The following CD226 variants were observed in gnomAD, a reference collection of about 807,000 sequenced individuals.
CD226 encodes CD226 molecule.
CD226 carries 24 observed loss-of-function variants against 34.9 expected under a neutral mutation model. That is an observed-to-expected ratio of 0.69 (90% CI 0.50 to 0.97). The LOEUF (loss-of-function observed/expected upper bound fraction) is 0.97. Ranked by LOEUF, CD226 falls within the 50% of genes least tolerant of loss-of-function variation. The pLI, the probability that CD226 is intolerant of heterozygous loss-of-function variation, is 0.00. For missense variants in CD226, 397 were observed against 412.7 expected, an observed-to-expected ratio of 0.96 and a Z score of 0.33; for synonymous variants, 148 against 147.4, an observed-to-expected ratio of 1.00 and a Z score of -0.03.
intron 1 of CD226, among the ~76,000 whole-genome samples, chr18:69,954,059 G>A (rs2055876660): frequency 6.6e-6 from 1 of 151,550 alleles, no homozygotes; most frequent in Non-Finnish European, 1.5e-5. Context: ...ACAATGTTAT[G>A]TGAATTTCAC....
At chr18:69,913,604 C>G (rs1387525013) in intron 2 of CD226, among the ~76,000 whole-genome samples, 1 of 152,156 alleles carries the variant, frequency 6.6e-6, no homozygotes, top group Non-Finnish European at 1.5e-5. Flanking sequence ...GTATGCCATA[C>G]TCTTAGAGTA....
chr18:69,876,814 C>T (rs768672165), intron 3 of CD226, among the ~76,000 whole-genome samples: 11 of 151,022 alleles, frequency 7.3e-5, no homozygotes, highest in Non-Finnish European at 1.5e-4. Context: ...CATTGCTAAC[C>T]CTGCCCTTCA....
upstream of CD226, among the ~76,000 whole-genome samples, chr18:69,951,597 T>C (rs1348151413): frequency 6.6e-6 from 1 of 152,088 alleles, no homozygotes; most frequent in East Asian, 1.9e-4. Context: ...TCTGAACATA[T>C]TACATAGAAT....
intron 2 of CD226, among the ~76,000 whole-genome samples, chr18:69,912,083 A>G (rs1024055953): frequency 6.6e-6 from 1 of 152,176 alleles, no homozygotes; most frequent in African/African-American, 2.4e-5. Flanking sequence ...GTGCTGGGAA[A>G]ACTGGCTAGC....
chr18:69,893,289 T>C (rs908882911), intron 3 of CD226, among the ~76,000 whole-genome samples: 2 of 152,246 alleles, frequency 1.3e-5, no homozygotes, highest in Non-Finnish European at 2.9e-5. Flanking sequence ...TTAGTCATCT[T>C]CATTTCATTG....
At chr18:69,942,060 G>T (rs927369628) in intron 2 of CD226, among the ~76,000 whole-genome samples, 1 of 152,190 alleles carries the variant, frequency 6.6e-6, no homozygotes, top group African/African-American at 2.4e-5. Context: ...GCCATGTGAA[G>T]AAGGACATGT....
chr18:69,890,359 G>A (rs1984819445), intron 3 of CD226, among the ~76,000 whole-genome samples: 1 of 152,098 alleles, frequency 6.6e-6, no homozygotes, highest in Non-Finnish European at 1.5e-5. Flanking sequence ...CACTTTAGGA[G>A]GCTGAGGCAG....
At position 69,864,248 on chromosome 18, in the gene CD226, A is replaced by T. The variant is rs1165602878; in HGVS notation, c.*66T>A. On this transcript the variant is annotated 3_prime_UTR_variant, in exon 6 of 6. Transcript: ENST00000582621. ...GGTAGACCTTGGGTAGTGGAAAAAAATTGCATAAAGATCCATGCATGAGTA... is the reference window on the plus strand; with the variant it reads ...GGTAGACCTTGGGTAGTGGAAAAAATTTGCATAAAGATCCATGCATGAGTA... 5 of 1,534,812 alleles carry T rather than the reference A, an allele frequency of 3.3e-6. No homozygotes were observed. The East Asian group carries it at 6.8e-5, about 21-fold the overall frequency.
Position 69,869,965 on chromosome 18 carries a change from T to TA in CD226, c.831-2555dup, listed in dbSNP as rs1467559086. ...ACAGGCGCCCGCCACCATGCCTGGC[T>TA]AATTTTTTTTTTATTTTTAGTAGAG... On this transcript the variant is annotated intron_variant, in intron 4 of 5. Transcript: ENST00000582621. Among the ~76,000 whole-genome samples, 5 of 149,756 alleles carry TA rather than the reference T, an allele frequency of 3.3e-5. No individual in the cohort carries two copies. The East Asian group carries it at 1.0e-3, about 30-fold the overall frequency.
At chr18:69,905,369 A>G (rs531711167) in intron 2 of CD226, among the ~76,000 whole-genome samples, 1 of 152,344 alleles carries the variant, frequency 6.6e-6, no homozygotes, top group African/African-American at 2.4e-5. Context: ...CCAACACATT[A>G]GTGTGAAATT....
At chr18:69,892,584 G>T (rs1329939186) in intron 3 of CD226, among the ~76,000 whole-genome samples, 1 of 152,224 alleles carries the variant, frequency 6.6e-6, no homozygotes, top group African/African-American at 2.4e-5. Context: ...AAGAAAGTCA[G>T]TGGTAAATGT....
chr18:69,919,916 T>C (rs1446968477), intron 2 of CD226, among the ~76,000 whole-genome samples: 1 of 151,956 alleles, frequency 6.6e-6, no homozygotes, highest in African/African-American at 2.4e-5. Flanking sequence ...CTCGCTCTAT[T>C]GCCCATGAGC....
upstream of CD226, chr18:69,947,928 G>C (rs964985291): frequency 6.6e-6 from 1 of 152,154 alleles, no homozygotes; most frequent in Non-Finnish European, 1.5e-5. Flanking sequence ...TACGCCCAGC[G>C]CTGACAGCCC....
rs1242497820 is a variant in CD226 at position 69,858,834 on chromosome 18, A to T, written c.*5480T>A. ...AACCTCTGCCTCCCGGGTTCAAGCG[A>T]TTCTTCTGCCTCAGCCTCCCAAGTA... On this transcript the variant is annotated 3_prime_UTR_variant, in exon 6 of 6. Coordinates refer to ENST00000582621, the MANE Select transcript of CD226 (RefSeq NM_001303618.2). The T allele has an allele frequency of 1.4e-5, 2 of 138,210 alleles. No homozygotes were observed. The highest frequency in any genetic ancestry group is 5.6e-5 in the African/African-American group (2 of 35,492). The allele number at this position is 138,210 out of a possible 1,614,324, so 8.6% of individuals were successfully genotyped here.
At chr18:69,899,061 T>A (rs774750836) in intron 2 of CD226, among the ~76,000 whole-genome samples, 7 of 152,250 alleles carry the variant, frequency 4.6e-5, no homozygotes, top group Non-Finnish European at 1.0e-4. Context: ...TTCCCATGAT[T>A]TTTATTGCAG....
intron 3 of CD226, among the ~76,000 whole-genome samples, chr18:69,887,078 A>T (rs1984600497): frequency 6.6e-6 from 1 of 152,346 alleles, no homozygotes; most frequent in East Asian, 1.9e-4. Context: ...ATATGATTAG[A>T]TTTCAAAACT....
chr18:69,904,473 C>T (rs2055227031), intron 2 of CD226, among the ~76,000 whole-genome samples: 1 of 152,224 alleles, frequency 6.6e-6, no homozygotes, highest in Admixed American at 6.5e-5. Flanking sequence ...CTCCGTGGAG[C>T]TCCAGAATCT....
chr18:69,951,438 T>C (rs752370196), upstream of CD226, among the ~76,000 whole-genome samples: 4 of 152,142 alleles, frequency 2.6e-5, no homozygotes, highest in Non-Finnish European at 5.9e-5. Context: ...TCTCCTCTCA[T>C]TATGCATGAA....
intron 3 of CD226, among the ~76,000 whole-genome samples, chr18:69,879,388 C>T (rs573539681): frequency 6.6e-5 from 10 of 152,222 alleles, no homozygotes; most frequent in African/African-American, 1.9e-4. Context: ...TCTCCTCCCC[C>T]CAGGAAAGCA....
Sources: gnomAD v4.1 joint callset for allele counts (sites outside exome capture counted in the v4.1 genomes callset) on GRCh38, gnomAD v4.1.1 for gene constraint, MANE v1.5 for transcripts, NCBI Gene and HGNC (gene_info 2026-07-23, HGNC 2026-07-21) for gene names.